Variants in FAT3 observed in about 807,000 individuals in gnomAD.
FAT3 encodes the protein protocadherin Fat 3.
In FAT3, 95 loss-of-function variants were observed where a neutral mutation model predicts 310.2. That is an observed-to-expected ratio of 0.31 (90% CI 0.26 to 0.36). FAT3 has a LOEUF of 0.36. FAT3 is among the 10% of genes least tolerant of loss of function. The pLI, the probability that FAT3 is intolerant of heterozygous loss-of-function variation, is 1.00. For missense variants in FAT3, 5,408 were observed against 5,715.6 expected (o/e 0.95, Z 1.74); for synonymous variants, 2,314 against 2,192.9 (o/e 1.06, Z -1.54).
intron 1 of FAT3, among the ~76,000 whole-genome samples, chr11:92,331,017 A>T (rs866346363): frequency 0.011 from 1,560 of 141,096 alleles, 15 homozygotes; most frequent in African/African-American, 0.012. Flanking sequence ...AGAGAGAGAG[A>T]GAGAAACATT....
intron 3 of FAT3, among the ~76,000 whole-genome samples, chr11:92,600,456 G>T (rs1334366491): frequency 3.3e-5 from 5 of 152,170 alleles, no homozygotes; most frequent in Non-Finnish European, 4.4e-5. Context: ...AGTCCTGATA[G>T]TAAGTGCAAT....
intron 1 of FAT3, among the ~76,000 whole-genome samples, chr11:92,247,184 A>C (rs1201353): frequency 0.33 from 50,333 of 151,792 alleles, 8,659 homozygotes; most frequent in South Asian, 0.5. Flanking sequence ...GAGTGTAGTC[A>C]GGAATATAGG....
intron 3 of FAT3, among the ~76,000 whole-genome samples, chr11:92,562,645 G>C (rs1184687898): frequency 6.6e-6 from 1 of 152,200 alleles, no homozygotes; most frequent in Non-Finnish European, 1.5e-5. Context: ...GTGCAATTCA[G>C]TTAGAGTCAG....
At chr11:92,648,154 AG>A (rs1349743478) in intron 3 of FAT3, among the ~76,000 whole-genome samples, 1 of 152,184 alleles carries the variant, frequency 6.6e-6, no homozygotes, top group East Asian at 1.9e-4. Context: ...CAGTAGTGGT[AG>A]GTAGGGTAGG....
At chr11:92,410,167 T>C (rs1591247196) in intron 2 of FAT3, among the ~76,000 whole-genome samples, 2 of 152,178 alleles carry the variant, frequency 1.3e-5, no homozygotes, top group South Asian at 4.1e-4. Flanking sequence ...TTTTAAATCA[T>C]CAGATGTGCT....
chr11:92,645,586 G>A (rs960571665), intron 3 of FAT3, among the ~76,000 whole-genome samples: 22 of 150,688 alleles, frequency 1.5e-4, no homozygotes, highest in Admixed American at 1.3e-3. Context: ...GACTTGTCTT[G>A]TTAGTAACTT....
At chr11:92,820,476 A>G (rs1947936781) in intron 13 of FAT3, among the ~76,000 whole-genome samples, 1 of 152,178 alleles carries the variant, frequency 6.6e-6, no homozygotes, top group Non-Finnish European at 1.5e-5. Flanking sequence ...ATTTTGGGAG[A>G]TCACAATTCA....
chr11:92,487,640 A>G (rs1028141470), intron 2 of FAT3, among the ~76,000 whole-genome samples: 1 of 152,252 alleles, frequency 6.6e-6, no homozygotes, highest in Admixed American at 6.5e-5. Context: ...GCATAAGGTT[A>G]AGTAACTTGC....
At chr11:92,508,673 T>TCATTTC in intron 2 of FAT3, among the ~76,000 whole-genome samples, 1 of 152,252 alleles carries the variant, frequency 6.6e-6, no homozygotes, top group Middle Eastern at 3.4e-3. Flanking sequence ...TTTGCCCAAG[T>TCATTTC]CATTTCACTT....
intron 2 of FAT3, among the ~76,000 whole-genome samples, chr11:92,491,437 G>T (rs1952594522): frequency 6.6e-6 from 1 of 151,990 alleles, no homozygotes; most frequent in Admixed American, 6.6e-5. Context: ...AAACCTTGTG[G>T]GAAGAATCAG....
chr11:92,512,277 C>T (rs1300584153), intron 2 of FAT3, among the ~76,000 whole-genome samples: 1 of 151,706 alleles, frequency 6.6e-6, no homozygotes, highest in Non-Finnish European at 1.5e-5. Context: ...TCTTAACTGC[C>T]TTTTATTTGT....
chr11:92,774,104 C>T lies in FAT3; in HGVS notation c.4259C>T (p.Pro1420Leu). Residue 1420 changes from proline (P) to leucine (L), a missense_variant, in exon 7 of 28, where the codon CCT becomes CTT. By Grantham distance (98) the Pro-to-Leu change is moderately conservative (BLOSUM62 -3). Around this residue, in one of 5 missense-constraint regions of FAT3, gnomAD observed 4,588 missense variants for 4,809.8 expected, o/e 0.95. Transcript: ENST00000525166. ...GTTGGGACAATTGTCATCGCAAAAC[C>T]TTTGGATGCAGAGCAGAGGTCCATC... ...KGVGTIVIAKPLDAEQRSIYN... is the reference protein window; with the variant it reads ...KGVGTIVIAKLLDAEQRSIYN... 6.2e-7 allele frequency: 1 copy of T among 1,613,656 alleles called. No homozygotes were observed. The highest frequency in any genetic ancestry group is 1.1e-5 in the South Asian group (1 of 91,080).
intron 22 of FAT3, 96 bp from the exon 23 acceptor site, chr11:92,880,635 G>A (rs1019757017): frequency 2.1e-6 from 3 of 1,405,042 alleles, no homozygotes; most frequent in Non-Finnish European, 2.9e-6. Flanking sequence ...CTATTATACG[G>A]TTCAACAAAG....
At chr11:92,302,392 A>G (rs1947022842) in intron 1 of FAT3, among the ~76,000 whole-genome samples, 3 of 152,232 alleles carry the variant, frequency 2.0e-5, no homozygotes, top group Admixed American at 2.0e-4. Flanking sequence ...TTGTGTCGAT[A>G]TAAATTGTAA....
chr11:92,432,896 A>T (rs1950825927), intron 2 of FAT3, among the ~76,000 whole-genome samples: 1 of 152,188 alleles, frequency 6.6e-6, no homozygotes, highest in East Asian at 1.9e-4. Context: ...TAAGCCCCTA[A>T]CTGGGGCTGC....
At chr11:92,649,776 G>A (rs1239740849) in intron 3 of FAT3, among the ~76,000 whole-genome samples, 1 of 151,624 alleles carries the variant, frequency 6.6e-6, no homozygotes, top group African/African-American at 2.4e-5. Flanking sequence ...ATATTAGATG[G>A]TGAGAGATCA....
At chr11:92,383,883 G>A (rs1250448388) in intron 2 of FAT3, among the ~76,000 whole-genome samples, 2 of 152,028 alleles carry the variant, frequency 1.3e-5, no homozygotes, top group South Asian at 2.1e-4. Flanking sequence ...ATTTAAAAAG[G>A]AAAAGAAAAA....
At chr11:92,378,503 A>C (rs1349987751) in intron 2 of FAT3, among the ~76,000 whole-genome samples, 2 of 152,192 alleles carry the variant, frequency 1.3e-5, no homozygotes, top group Non-Finnish European at 2.9e-5. Context: ...GGTTCATTTC[A>C]GACAGCAGTT....
At chr11:92,394,416 T>C (rs985683276) in intron 2 of FAT3, among the ~76,000 whole-genome samples, 1 of 152,108 alleles carries the variant, frequency 6.6e-6, no homozygotes, top group East Asian at 1.9e-4. Context: ...GCCACTGTGC[T>C]CCAGCCTATG....
Sources: gnomAD v4.1 joint callset for allele counts (sites outside exome capture counted in the v4.1 genomes callset) on GRCh38, gnomAD v4.1.1 for gene constraint, gnomAD v4.1.1 regional missense constraint, MANE v1.5 for transcripts, NCBI Gene and HGNC (gene_info 2026-07-23, HGNC 2026-07-21) for gene names.